The following PTPRD variants were observed in gnomAD, a reference collection of about 807,000 sequenced individuals.
PTPRD encodes the protein receptor-type tyrosine-protein phosphatase delta.
Under a neutral mutation model 214.5 loss-of-function variants are expected in PTPRD, and 34 were observed. The observed-to-expected ratio is 0.16, with a 90% CI of 0.12 to 0.21. PTPRD has a LOEUF of 0.21. Ranked by LOEUF, PTPRD falls within the 10% of genes least tolerant of loss-of-function variation. PTPRD has a pLI of 1.00. For missense variants in PTPRD, 2,545 were observed against 2,398.7 expected (o/e 1.06, Z -1.27); for synonymous variants, 1,128 against 845.7 (o/e 1.33, Z -5.79).
At chr9:9,677,223 T>C (rs1564485103) in intron 7 of PTPRD, among the ~76,000 whole-genome samples, 1 of 152,118 alleles carries the variant, frequency 6.6e-6, no homozygotes, top group Non-Finnish European at 1.5e-5. Flanking sequence ...TCCTGAATGG[T>C]ATTGCCTAGG....
At chr9:8,438,676 A>G (rs1291141866) in intron 34 of PTPRD, 1 of 152,192 alleles carries the variant, frequency 6.6e-6, no homozygotes, top group African/African-American at 2.4e-5. Context: ...CACAGAGAAA[A>G]TAATAGAGAC....
At chr9:9,593,202 T>C (rs1316231980) in intron 7 of PTPRD, among the ~76,000 whole-genome samples, 1 of 151,756 alleles carries the variant, frequency 6.6e-6, no homozygotes, top group Non-Finnish European at 1.5e-5. Context: ...TTTTGTTTTT[T>C]TTTTGTTTTT....
intron 9 of PTPRD, among the ~76,000 whole-genome samples, chr9:9,205,595 T>G (rs1168790753): frequency 6.6e-6 from 1 of 152,230 alleles, no homozygotes; most frequent in Non-Finnish European, 1.5e-5. Context: ...AAAATGACAT[T>G]GAGCAAAGTT....
At chr9:10,580,865 A>G (rs7037887) in intron 2 of PTPRD, among the ~76,000 whole-genome samples, 24,391 of 152,138 alleles carry the variant, frequency 0.16, 2,293 homozygotes, top group Non-Finnish European at 0.22. Flanking sequence ...CATTAGACAC[A>G]CATAAATCTT....
At chr9:9,584,145 G>T (rs1159649824) in intron 7 of PTPRD, among the ~76,000 whole-genome samples, 1 of 151,776 alleles carries the variant, frequency 6.6e-6, no homozygotes, top group African/African-American at 2.4e-5. Context: ...CTTCATTTTA[G>T]TAATACTAGC....
At chr9:9,792,002 C>T (rs1470134207) in intron 5 of PTPRD, among the ~76,000 whole-genome samples, 1 of 151,858 alleles carries the variant, frequency 6.6e-6, no homozygotes, top group Non-Finnish European at 1.5e-5. Flanking sequence ...TCCTGAAGTC[C>T]TAAAGCAAAT....
chr9:9,511,579 GTTAAA>G (rs763148780), intron 8 of PTPRD, among the ~76,000 whole-genome samples: 4 of 151,660 alleles, frequency 2.6e-5, no homozygotes, highest in African/African-American at 4.8e-5. Flanking sequence ...AGTGTCAAAC[GTTAAA>G]TTAAAATAAA....
In PTPRD at chr9:8,990,936, C is replaced by A. The variant is rs140146126; in HGVS notation, c.-104+27761G>T. On this transcript the variant is annotated intron_variant, in intron 11 of 45. Coordinates refer to ENST00000381196, the MANE Select transcript of PTPRD (RefSeq NM_002839.4). ...TAAGCATAAAAACGGATTGATAGGC[C>A]AGGCACAGTGGCTCATGTCTGTAGT... Among the ~76,000 whole-genome samples, 10 of 152,092 alleles carry A rather than the reference C, an allele frequency of 6.6e-5. No individual in the cohort carries two copies. In the East Asian group the frequency reaches 1.9e-3, roughly 30 times the overall value.
intron 7 of PTPRD, among the ~76,000 whole-genome samples, chr9:9,662,734 C>G (rs2096644109): frequency 6.6e-6 from 1 of 151,540 alleles, no homozygotes; most frequent in Non-Finnish European, 1.5e-5. Context: ...GAAGGCTTGT[C>G]CGTTTTTAGA....
chr9:9,010,594 G>A (rs2154361969), intron 11 of PTPRD, among the ~76,000 whole-genome samples: 1 of 152,308 alleles, frequency 6.6e-6, no homozygotes, highest in East Asian at 1.9e-4. Flanking sequence ...TGCACTTGAG[G>A]TTAGGTTCTT....
In PTPRD at chr9:9,999,669, G is replaced by A. The variant is rs116494014; in HGVS notation, c.-472+34049C>T. ...TATGACACCCACGATGTGGAATTCT[G>A]GTTGTAAAATTCTAATTGCTGTAAT... On this transcript the variant is annotated intron_variant, in intron 4 of 45. Coordinates refer to ENST00000381196, the MANE Select transcript of PTPRD (RefSeq NM_002839.4). Among the ~76,000 whole-genome samples, 1,061 of 152,248 alleles carry A rather than the reference G, an allele frequency of 7.0e-3. 9 individuals carry two copies. Among genetic ancestry groups the A allele is most frequent in the African/African-American group, 0.024 (1,002 of 41,536 alleles).
chr9:8,721,329 C>G (rs183276601), intron 12 of PTPRD, among the ~76,000 whole-genome samples: 1 of 150,552 alleles, frequency 6.6e-6, no homozygotes, highest in African/African-American at 2.5e-5. Flanking sequence ...ACTCGAGAGG[C>G]TGAGGCACAA....
chr9:8,482,355 T>C (rs931461965), intron 30 of PTPRD, among the ~76,000 whole-genome samples: 2 of 152,108 alleles, frequency 1.3e-5, no homozygotes, highest in African/African-American at 4.8e-5. Flanking sequence ...CATCATCATC[T>C]TCCTTTAGAA....
intron 9 of PTPRD, among the ~76,000 whole-genome samples, chr9:9,302,785 T>C (rs13288172): frequency 2.4e-4 from 37 of 151,900 alleles, no homozygotes; most frequent in African/African-American, 8.7e-4. Flanking sequence ...TTTTTTTAAC[T>C]AGTTAACTCC....
At chr9:8,695,616 G>C (rs2097895938) in intron 12 of PTPRD, among the ~76,000 whole-genome samples, 1 of 152,082 alleles carries the variant, frequency 6.6e-6, no homozygotes, top group African/African-American at 2.4e-5. Context: ...TATAATTTTT[G>C]AGTAAGTGAT....
chr9:10,392,745 A>T (rs2098093138), intron 2 of PTPRD, among the ~76,000 whole-genome samples: 1 of 151,880 alleles, frequency 6.6e-6, no homozygotes, highest in South Asian at 2.1e-4. Context: ...GAGTTCACTG[A>T]AAAAACAGAA....
At chr9:9,574,389 A>G (rs2087658604) in intron 8 of PTPRD, among the ~76,000 whole-genome samples, 1 of 152,020 alleles carries the variant, frequency 6.6e-6, no homozygotes, top group South Asian at 2.1e-4. Flanking sequence ...TTTACTTTCA[A>G]TAACTCATTG....
chr9:10,355,272 G>C (rs1254421833), intron 2 of PTPRD, among the ~76,000 whole-genome samples: 2 of 152,058 alleles, frequency 1.3e-5, no homozygotes, highest in Non-Finnish European at 2.9e-5. Context: ...ATATTAGCAA[G>C]CAAGCAAAAC....
intron 14 of PTPRD, among the ~76,000 whole-genome samples, chr9:8,572,382 T>C (rs970652991): frequency 1.3e-5 from 2 of 152,076 alleles, no homozygotes; most frequent in Non-Finnish European, 2.9e-5. Context: ...ATAGAGATCT[T>C]GGCATTTTAA....
Sources: gnomAD v4.1 joint callset for allele counts (sites outside exome capture counted in the v4.1 genomes callset) on GRCh38, gnomAD v4.1.1 for gene constraint, MANE v1.5 for transcripts, NCBI Gene and HGNC (gene_info 2026-07-23, HGNC 2026-07-21) for gene names.